HAO2: variants seen among roughly 807,000 people sequenced by gnomAD.
HAO2 encodes the protein 2-Hydroxyacid oxidase 2.
A neutral mutation model predicts 37.4 loss-of-function variants in HAO2; 42 were observed. That is an observed-to-expected ratio of 1.12 (90% confidence interval 0.88 to 1.45). The LOEUF is 1.45. Ranked by LOEUF, HAO2 falls within the 40% of genes most tolerant of loss-of-function variation. The pLI, the probability that HAO2 is intolerant of heterozygous loss-of-function variation, is 0.00. For synonymous variants in HAO2, 180 were observed against 162.8 expected, an observed-to-expected ratio of 1.11 and a Z score of -0.81; for missense variants, 476 against 430.2, an observed-to-expected ratio of 1.11 and a Z score of -0.94.
chr1:119,388,675 A>G (rs1480206253), intron 5 of HAO2, among the ~76,000 whole-genome samples: 1 of 152,156 alleles, frequency 6.6e-6, no homozygotes, highest in Non-Finnish European at 1.5e-5. Context: ...TCCTAGCCCC[A>G]GGTCTATTTA....
chr1:119,385,243 A>G, intron 4 of HAO2, 190 bp downstream of exon 4: 1 of 985,048 alleles, frequency 1.0e-6, no homozygotes, highest in Non-Finnish European at 1.2e-6. Context: ...GACAAGCACA[A>G]TCAACATAAG....
intron 1 of HAO2, among the ~76,000 whole-genome samples, chr1:119,375,656 C>T (rs998799049): frequency 2.6e-5 from 4 of 152,054 alleles, no homozygotes; most frequent in African/African-American, 9.7e-5. Context: ...ATACCTGAGA[C>T]TGGGTAACTT....
In HAO2 at chr1:119,385,062, G is replaced by T. The variant is rs778215274; in HGVS notation, c.561+9G>T. On this transcript the variant is annotated intron_variant, in intron 4 of 7. Coordinates refer to ENST00000325945, the MANE Select transcript of HAO2 (RefSeq NM_016527.4). ...TTCAATCACCTAAAAAGGTAAGAAA[G>T]ATACCAAATTCGATGGACAGGCATT... 8.1e-6 allele frequency: 13 copies of T among 1,601,370 alleles called. No homozygotes were observed. The highest frequency in any genetic ancestry group is 1.3e-5 in the African/African-American group (1 of 74,630).
chr1:119,391,166 T>C (rs1262352930), intron 5 of HAO2, among the ~76,000 whole-genome samples: 1 of 151,950 alleles, frequency 6.6e-6, no homozygotes, highest in Non-Finnish European at 1.5e-5. Context: ...AGCCAAAGTA[T>C]CCCATTCAGG....
At chr1:119,376,062 T>A (rs2101183922) in intron 1 of HAO2, among the ~76,000 whole-genome samples, 1 of 152,278 alleles carries the variant, frequency 6.6e-6, no homozygotes, top group South Asian at 2.1e-4. Context: ...AAGTCATAAC[T>A]AATTTCAGCA....
chr1:119,391,391 G>A (rs371656639), intron 5 of HAO2, among the ~76,000 whole-genome samples: 5 of 152,286 alleles, frequency 3.3e-5, no homozygotes, highest in East Asian at 3.9e-4. Flanking sequence ...TCGGCCTGGG[G>A]CACCTTGTGT....
intron 5 of HAO2, among the ~76,000 whole-genome samples, chr1:119,390,773 G>A (rs772008233): frequency 6.6e-6 from 1 of 152,162 alleles, no homozygotes; most frequent in Non-Finnish European, 1.5e-5. Context: ...CTAGGAGGAA[G>A]TACAAGAACA....
intron 5 of HAO2, 36 bp downstream of exon 5, chr1:119,386,867 G>A: frequency 7.6e-7 from 1 of 1,323,862 alleles, no homozygotes; most frequent in South Asian, 1.2e-5. Flanking sequence ...GTGTGTTTGT[G>A]AGTGCTGTGT....
chr1:119,392,581 G>T, intron 6 of HAO2, 37 bp from the exon 7 acceptor site: 6 of 1,362,832 alleles, frequency 4.4e-6, no homozygotes, highest in Non-Finnish European at 6.3e-6. Flanking sequence ...GTTCCTTTAT[G>T]TCTCTTTGTG....
At chr1:119,383,695 G>T (rs1166196084) in intron 3 of HAO2, among the ~76,000 whole-genome samples, 1 of 151,854 alleles carries the variant, frequency 6.6e-6, no homozygotes, top group African/African-American at 2.4e-5. Context: ...AATAGAAAAG[G>T]AGAGATGGGG....
chr1:119,377,235 T>C (rs587713066), intron 1 of HAO2, among the ~76,000 whole-genome samples: 1 of 152,326 alleles, frequency 6.6e-6, no homozygotes, highest in South Asian at 2.1e-4. Context: ...CTCTAAATCA[T>C]CTTTCTCAAG....
At chr1:119,393,764 G>A in intron 7 of HAO2, 21 bp from the exon 8 acceptor site, 1 of 1,611,108 alleles carries the variant, frequency 6.2e-7, no homozygotes, top group Non-Finnish European at 8.5e-7. Context: ...AAATGAGCTT[G>A]TAACCACATT....
intron 1 of HAO2, among the ~76,000 whole-genome samples, chr1:119,371,781 A>G (rs74112683): frequency 0.2 from 31,132 of 152,200 alleles, 3,376 homozygotes; most frequent in East Asian, 0.3. Flanking sequence ...ATCATGGAGT[A>G]CTTGAAAAAT....
intron 5 of HAO2, among the ~76,000 whole-genome samples, chr1:119,388,051 G>A (rs921709262): frequency 2.6e-5 from 4 of 152,180 alleles, no homozygotes; most frequent in Non-Finnish European, 5.9e-5. Context: ...GAGCTGAACC[G>A]AAGTGGTTGG....
Position 119,392,310 on chromosome 1 carries a change from C to T in HAO2, c.930+42C>T, listed in dbSNP as rs201649914. 1.4e-5 allele frequency: 21 copies of T among 1,495,852 alleles called. No homozygotes were observed. In the East Asian group the frequency reaches 4.8e-4, roughly 34 times the overall value. 92.7% of individuals were successfully genotyped at this position (1,495,852 alleles called of 1,614,324 possible). A position where few individuals can be genotyped will look rare whatever the true frequency, so the allele number is the denominator to read the frequency against. On this transcript the variant is annotated intron_variant, in intron 6 of 7. Coordinates refer to ENST00000325945, the MANE Select transcript of HAO2 (RefSeq NM_016527.4). ...AAACCAGCAAGAAGATACAGAGCTT[C>T]TCATTCATTTCTGTGCTTTCCTGTG...
chr1:119,391,090 C>G (rs1650851833), intron 5 of HAO2, among the ~76,000 whole-genome samples: 1 of 152,076 alleles, frequency 6.6e-6, no homozygotes, highest in Non-Finnish European at 1.5e-5. Flanking sequence ...ATTCAATTCC[C>G]CGCCCCCACC....
At chr1:119,391,998 A>C in intron 5 of HAO2, 112 bp from the exon 6 acceptor site, 2 of 881,086 alleles carry the variant, frequency 2.3e-6, no homozygotes, top group Non-Finnish European at 3.5e-6. Context: ...TGGGAGGGGA[A>C]GAAATTGTCA....
At chr1:119,393,640 G>A (rs3765949) in intron 7 of HAO2, 145 bp from the exon 8 acceptor site, 359,378 of 725,494 alleles carry the variant, frequency 0.5, 91,964 homozygotes, top group Admixed American at 0.58. Context: ...ACAGAATTAC[G>A]TTATTCATTC....
At chr1:119,375,226 C>A (rs964523056) in intron 1 of HAO2, among the ~76,000 whole-genome samples, 1 of 152,132 alleles carries the variant, frequency 6.6e-6, no homozygotes, top group Non-Finnish European at 1.5e-5. Context: ...CATTAGATTA[C>A]TTGAATCTTC....
Sources: allele counts gnomAD v4.1 joint callset (sites outside exome capture counted in the v4.1 genomes callset), GRCh38; gene constraint gnomAD v4.1.1; transcripts MANE v1.5; gene names NCBI Gene and HGNC (gene_info 2026-07-23, HGNC 2026-07-21).